The following FXYD5 variants were observed in gnomAD, a reference collection of about 807,000 sequenced individuals.
FXYD5 encodes the protein FXYD domain containing ion transport regulator 5, also known as FXYD domain-containing ion transport regulator 5.
Under a neutral mutation model 25.7 loss-of-function variants are expected in FXYD5, and 21 were observed. The observed-to-expected ratio is 0.82, with a 90% confidence interval of 0.58 to 1.18. The LOEUF (loss-of-function observed/expected upper bound fraction) is 1.18. Among genes scored for constraint, FXYD5 ranks in the 50% most tolerant of loss-of-function variants. The pLI, the probability that FXYD5 is intolerant of heterozygous loss-of-function variation, is 0.00. For missense variants in FXYD5, 229 were observed against 227.7 expected (o/e 1.01, Z -0.04); for synonymous variants, 101 against 90.7 (o/e 1.11, Z -0.64).
intron 8 of FXYD5, among the ~76,000 whole-genome samples, chr19:35,167,090 G>A (rs752711240): frequency 6.6e-6 from 1 of 152,232 alleles, no homozygotes; most frequent in Non-Finnish European, 1.5e-5. Context: ...TAATGTTTCT[G>A]TAAAATCTTT....
intron 7 of FXYD5, 34 bp from the exon 8 acceptor site, chr19:35,166,217 G>T (rs890242900): frequency 1.2e-6 from 2 of 1,610,462 alleles, no homozygotes; most frequent in Admixed American, 1.7e-5. Context: ...GGTGAGGTCC[G>T]TCTGACTCTA....
chr19:35,157,783 C>T (rs1200993683), intron 3 of FXYD5, among the ~76,000 whole-genome samples: 1 of 152,174 alleles, frequency 6.6e-6, no homozygotes, highest in East Asian at 1.9e-4. Flanking sequence ...ATCCTGTCTG[C>T]TAAGAATCCC....
intron 6 of FXYD5, among the ~76,000 whole-genome samples, chr19:35,165,419 G>A (rs888184283): frequency 6.6e-6 from 1 of 151,980 alleles, no homozygotes; most frequent in African/African-American, 2.4e-5. Flanking sequence ...AAACTGTCAT[G>A]GTGCTGGTAG....
chr19:35,157,074 G>A, intron 2 of FXYD5: 1 of 222,408 alleles, frequency 4.5e-6, no homozygotes, highest in Non-Finnish European at 9.0e-6. Flanking sequence ...TGCAGATGAA[G>A]CAACTGAGGC....
At chr19:35,158,452 TC>T (rs773310972) in intron 4 of FXYD5, 52 bp downstream of exon 4, 12 of 1,065,024 alleles carry the variant, frequency 1.1e-5, no homozygotes, top group Admixed American at 8.4e-5. Context: ...AAACAAAGTT[TC>T]CCCTCTTCCT....
intron 8 of FXYD5, 63 bp from the exon 9 acceptor site, chr19:35,169,503 A>G: frequency 7.9e-7 from 1 of 1,265,116 alleles, no homozygotes; most frequent in Non-Finnish European, 1.2e-6. Context: ...CCCCAGCCCC[A>G]CAACACACGA....
At chr19:35,155,445 A>G in intron 1 of FXYD5, 106 bp from the exon 2 acceptor site, 1 of 915,414 alleles carries the variant, frequency 1.1e-6, no homozygotes, top group Non-Finnish European at 1.8e-6. Context: ...CTTGGAAGCC[A>G]GAGGTTTTTG....
rs980729384 is a variant in FXYD5 at position 35,160,504 on chromosome 19, G to A, written c.200-205G>A. Among the ~76,000 whole-genome samples the A allele has an allele frequency of 2.6e-5, 4 of 152,050 alleles. No homozygotes were observed. The South Asian group carries it at 6.2e-4, about 24-fold the overall frequency. On this transcript the variant is annotated intron_variant, in intron 4 of 8. Transcript: ENST00000392219. ...TGAGATTAGAGGCATGAGCGACCAC[G>A]CCCAGCTAATTTTGTATTTTTAGTA... is the stretch of plus-strand genomic sequence containing the variant.
chr19:35,162,759 C>T (rs1219761334), intron 5 of FXYD5, among the ~76,000 whole-genome samples: 2 of 152,172 alleles, frequency 1.3e-5, no homozygotes, highest in East Asian at 3.9e-4. Context: ...CTTGGGATTT[C>T]AAAGGTCTCA....
intron 6 of FXYD5, among the ~76,000 whole-genome samples, chr19:35,165,191 T>C (rs748619968): frequency 1.3e-5 from 2 of 152,190 alleles, no homozygotes; most frequent in African/African-American, 2.4e-5. Flanking sequence ...ATAGAGTTTA[T>C]TTAGAAAGTA....
chr19:35,161,745 C>T (rs570579037), intron 5 of FXYD5, among the ~76,000 whole-genome samples: 5 of 152,346 alleles, frequency 3.3e-5, no homozygotes, highest in African/African-American at 1.2e-4. Context: ...AACAGATCGC[C>T]TCTAATGCCT....
chr19:35,165,432 G>A (rs1045149168), intron 6 of FXYD5, among the ~76,000 whole-genome samples: 1 of 152,180 alleles, frequency 6.6e-6, no homozygotes, highest in African/African-American at 2.4e-5. Flanking sequence ...GCTGGTAGGA[G>A]TGCCTTTTAG....
At chr19:35,161,465 C>T (rs1361061083) in intron 5 of FXYD5, among the ~76,000 whole-genome samples, 1 of 152,182 alleles carries the variant, frequency 6.6e-6, no homozygotes, top group Admixed American at 6.5e-5. Context: ...CAAAATCTTT[C>T]CCATTATTTC....
chr19:35,166,698 T>G (rs73596740), intron 8 of FXYD5: 39,552 of 333,310 alleles, frequency 0.12, 2,757 homozygotes, highest in South Asian at 0.22. Flanking sequence ...GTGGCAGGGA[T>G]CTAAGATAGA....
intron 6 of FXYD5, among the ~76,000 whole-genome samples, chr19:35,165,893 G>A (rs892744356): frequency 1.3e-5 from 2 of 152,124 alleles, no homozygotes; most frequent in Non-Finnish European, 2.9e-5. Context: ...CAGTGCAAAG[G>A]CCCTGAGGTG....
chr19:35,166,084 C>T (rs1427827922), intron 6 of FXYD5, 58 bp from the exon 7 acceptor site: 24 of 1,556,696 alleles, frequency 1.5e-5, no homozygotes, highest in East Asian at 4.5e-5. Context: ...TTGCCATTCA[C>T]GTATTCACTT....
At chr19:35,155,788 G>A (rs2065349249) in intron 2 of FXYD5, among the ~76,000 whole-genome samples, 177 bp downstream of exon 2, 1 of 152,196 alleles carries the variant, frequency 6.6e-6, no homozygotes, top group Non-Finnish European at 1.5e-5. Context: ...ACCCTCTTTG[G>A]ACACCTCAGA....
In FXYD5 at chr19:35,158,312, TC is replaced by T. The variant is rs762115297; in HGVS notation, c.143-31del. 7 of 1,506,144 alleles carry T rather than the reference TC, an allele frequency of 4.6e-6. No homozygotes were observed. In the East Asian group the frequency reaches 9.0e-5, roughly 19 times the overall value. The allele number at this position is 1,506,144 out of a possible 1,614,324, so 93.3% of individuals were successfully genotyped here. A position where few individuals can be genotyped will look rare whatever the true frequency, so the allele number is the denominator to read the frequency against. The stretch of plus-strand genomic sequence containing the variant: ...GCCCACTTCTTTTTCTCTCTCCTTT[TC>T]TCTCCGTGACTCCTTGTTTCTGGAC... On this transcript the variant is annotated intron_variant, in intron 3 of 8. Coordinates refer to ENST00000392219, the MANE Select transcript of FXYD5 (RefSeq NM_014164.6).
At chr19:35,169,491 T>A in intron 8 of FXYD5, 75 bp from the exon 9 acceptor site, 2 of 1,118,766 alleles carry the variant, frequency 1.8e-6, no homozygotes, top group Middle Eastern at 1.9e-4. Flanking sequence ...ATCAATCTGG[T>A]TCCCCAGCCC....
Sources: allele counts gnomAD v4.1 joint callset (sites outside exome capture counted in the v4.1 genomes callset), GRCh38; gene constraint gnomAD v4.1.1; transcripts MANE v1.5; gene names NCBI Gene and HGNC (gene_info 2026-07-23, HGNC 2026-07-21).